FGFR1OP2: variants seen among roughly 807,000 people sequenced by gnomAD.
FGFR1OP2 encodes FGFR1 oncogene partner 2, also known as fibroblast growth factor receptor 1 oncogene partner 2.
In FGFR1OP2, 17 loss-of-function variants were observed where a neutral mutation model predicts 35.2. The ratio of observed to expected loss-of-function variants is 0.48; its 90% confidence interval spans 0.33 to 0.73. The LOEUF (loss-of-function observed/expected upper bound fraction) is 0.73, where lower values mean the gene tolerates loss of function less well. FGFR1OP2 is among the 30% of genes least tolerant of loss of function. The probability of loss-of-function intolerance (pLI) is 0.02; values close to 1 mark genes in which losing one functional copy is unlikely to be tolerated. For synonymous variants in FGFR1OP2, 105 were observed against 104.6 expected (o/e 1.00, Z -0.03); for missense variants, 251 against 307.3 (o/e 0.82, Z 1.37).
intron 1 of FGFR1OP2, among the ~76,000 whole-genome samples, chr12:26,941,184 C>A (rs1266526762): frequency 6.6e-6 from 1 of 151,808 alleles, no homozygotes; most frequent in Non-Finnish European, 1.5e-5. Context: ...TGTATTATGG[C>A]CAGTTAAGGT....
intron 1 of FGFR1OP2, among the ~76,000 whole-genome samples, chr12:26,942,424 C>T (rs1471656072): frequency 6.6e-6 from 1 of 152,174 alleles, no homozygotes; most frequent in African/African-American, 2.4e-5. Context: ...TTAGTTATTG[C>T]TCAGATTCAG....
chr12:26,954,316 A>T, intron 2 of FGFR1OP2, 23 bp downstream of exon 2: 1 of 1,569,536 alleles, frequency 6.4e-7, no homozygotes. Flanking sequence ...TTTCTTGTTC[A>T]TTCCATTTAT....
intron 1 of FGFR1OP2, among the ~76,000 whole-genome samples, chr12:26,953,229 A>C (rs1423533959): frequency 8.0e-5 from 11 of 138,152 alleles, no homozygotes; most frequent in South Asian, 2.3e-4. Flanking sequence ...ACGCCGCTGC[A>C]CTCCAGCCAG....
In FGFR1OP2 at chr12:26,957,599, A is replaced by G; in HGVS notation, c.254-2A>G. ...AATAAAATACAATATTATTCTTGAT[A>G]GAATTACGTACATCTCTGGAAGAAC... On this transcript the variant is annotated splice_acceptor_variant, in intron 3 of 6. Coordinates refer to ENST00000229395, the MANE Select transcript of FGFR1OP2 (RefSeq NM_015633.3). LOFTEE classifies it high-confidence loss of function. 6.2e-7 allele frequency: 1 copy of G among 1,608,460 alleles called. No homozygotes were observed. The highest frequency in any genetic ancestry group is 8.5e-7 in the Non-Finnish European group (1 of 1,178,224).
At chr12:26,940,506 G>A (rs1295503614) in intron 1 of FGFR1OP2, among the ~76,000 whole-genome samples, 3 of 152,022 alleles carry the variant, frequency 2.0e-5, no homozygotes, top group Non-Finnish European at 4.4e-5. Flanking sequence ...GCATTCATAA[G>A]ATTATAAGTT....
At chr12:26,956,288 T>C (rs1418321894) in intron 2 of FGFR1OP2, among the ~76,000 whole-genome samples, 1 of 152,028 alleles carries the variant, frequency 6.6e-6, no homozygotes, top group Non-Finnish European at 1.5e-5. Flanking sequence ...TAATTAAGTA[T>C]CTTTTCATGT....
intron 5 of FGFR1OP2, 95 bp downstream of exon 5, chr12:26,960,723 C>G: frequency 6.9e-7 from 1 of 1,451,814 alleles, no homozygotes. Flanking sequence ...CAGATTAGAT[C>G]AGCAAATAAA....
chr12:26,940,761 T>C (rs1938721966), intron 1 of FGFR1OP2, among the ~76,000 whole-genome samples: 1 of 152,232 alleles, frequency 6.6e-6, no homozygotes, highest in Non-Finnish European at 1.5e-5. Flanking sequence ...CATTCATTGA[T>C]CTTACAATTA....
intron 1 of FGFR1OP2, among the ~76,000 whole-genome samples, chr12:26,939,128 T>C (rs1443881214): frequency 6.6e-6 from 1 of 152,206 alleles, no homozygotes; most frequent in Admixed American, 6.5e-5. Context: ...CCTGCCTTTC[T>C]TCTCTATCCC....
At chr12:26,943,756 C>G (rs993019738) in intron 1 of FGFR1OP2, among the ~76,000 whole-genome samples, 1 of 152,114 alleles carries the variant, frequency 6.6e-6, no homozygotes, top group Non-Finnish European at 1.5e-5. Flanking sequence ...ACCCAGGAGG[C>G]GGAGGTTCCA....
intron 1 of FGFR1OP2, among the ~76,000 whole-genome samples, chr12:26,947,254 T>TA (rs1237098061): frequency 3.3e-5 from 5 of 152,326 alleles, no homozygotes; most frequent in East Asian, 1.9e-4. Flanking sequence ...AGCCAACACT[T>TA]ACTATCTTTT....
chr12:26,942,778 T>C (rs7954107), intron 1 of FGFR1OP2, among the ~76,000 whole-genome samples: 1 of 152,226 alleles, frequency 6.6e-6, no homozygotes, highest in Non-Finnish European at 1.5e-5. Context: ...GTAAAGTCTT[T>C]TATTCATTTT....
In FGFR1OP2 at chr12:26,938,668, T is replaced by A. The variant is rs180898686; in HGVS notation, c.-57T>A. 7.9e-5 allele frequency: 12 copies of A among 152,300 alleles called. No homozygotes were observed. The highest frequency in any genetic ancestry group is 6.5e-4 in the Admixed American group (10 of 15,288). The allele number at this position is 152,300 out of a possible 1,614,324, so 9.4% of individuals were successfully genotyped here. On this transcript the variant is annotated 5_prime_UTR_variant, in exon 1 of 7. Coordinates refer to ENST00000229395, the MANE Select transcript of FGFR1OP2 (RefSeq NM_015633.3). Reference sequence around the variant, plus strand: ...GGTCCCGGTTGGTAGAGGGTTTGAGTCCGCATCGCCACAGCTGAAGGCTGC... The same window carrying A: ...GGTCCCGGTTGGTAGAGGGTTTGAGACCGCATCGCCACAGCTGAAGGCTGC...
chr12:26,945,182 G>T (rs1484198542), intron 1 of FGFR1OP2, among the ~76,000 whole-genome samples: 2 of 151,514 alleles, frequency 1.3e-5, no homozygotes, highest in Non-Finnish European at 2.9e-5. Flanking sequence ...TATTTCATTA[G>T]GTTTTCTCTG....
In FGFR1OP2 at chr12:26,954,144, G is replaced by C. The variant is rs531579559; in HGVS notation, c.-14-1G>C. 8 of 1,565,314 alleles carry C rather than the reference G, an allele frequency of 5.1e-6. No individual in the cohort carries two copies. Among genetic ancestry groups the C allele is most frequent in the Non-Finnish European group, 6.9e-6 (8 of 1,156,092 alleles). On this transcript the variant is annotated splice_acceptor_variant, in intron 1 of 6. Transcript: ENST00000229395. LOFTEE classifies it low-confidence loss of function (5UTR_SPLICE). The stretch of plus-strand genomic sequence containing the variant: ...AGTCTTGATTTTAATTTTAATTATA[G>C]ATATATCTTTAGAAATGAGTTGCAC...
chr12:26,955,450 A>G (rs1939003827), intron 2 of FGFR1OP2, among the ~76,000 whole-genome samples: 2 of 152,194 alleles, frequency 1.3e-5, no homozygotes, highest in Admixed American at 1.3e-4. Context: ...TTTCATCACC[A>G]CAAAACCTTA....
chr12:26,964,305 T>A (rs1217217286), intron 6 of FGFR1OP2, among the ~76,000 whole-genome samples: 1 of 152,146 alleles, frequency 6.6e-6, no homozygotes, highest in Non-Finnish European at 1.5e-5. Flanking sequence ...ATTTTCTTCA[T>A]CTCTAATGTG....
intron 1 of FGFR1OP2, among the ~76,000 whole-genome samples, chr12:26,952,041 AT>A (rs1565849111): frequency 7.0e-6 from 1 of 143,004 alleles, no homozygotes; most frequent in African/African-American, 2.6e-5. Context: ...TATAAAACCA[AT>A]TTTTTTGGTT....
At chr12:26,941,734 A>G (rs1476096496) in intron 1 of FGFR1OP2, among the ~76,000 whole-genome samples, 3 of 152,188 alleles carry the variant, frequency 2.0e-5, no homozygotes, top group African/African-American at 7.2e-5. Flanking sequence ...AAAATATTTG[A>G]AATTTTTTTA....
Sources: allele counts gnomAD v4.1 joint callset (sites outside exome capture counted in the v4.1 genomes callset), GRCh38; gene constraint gnomAD v4.1.1; transcripts MANE v1.5; gene names NCBI Gene and HGNC (gene_info 2026-07-23, HGNC 2026-07-21).